The following DNASE1 variants were observed in gnomAD, a reference collection of about 807,000 sequenced individuals.
The protein encoded by DNASE1 is deoxyribonuclease-1.
In DNASE1, 40 loss-of-function variants were observed where a neutral mutation model predicts 33.9. The ratio of observed to expected loss-of-function variants is 1.18; its 90% CI spans 0.92 to 1.54. DNASE1 has a LOEUF of 1.54. Ranked by LOEUF, DNASE1 falls within the 40% of genes most tolerant of loss-of-function variation. The pLI is 0.00. For synonymous variants in DNASE1, 216 were observed against 160.0 expected (o/e 1.35, Z -2.64); for missense variants, 518 against 372.6 (o/e 1.39, Z -3.21).
chr16:3,656,025 GGCACA>G, intron 3 of DNASE1, 72 bp from the exon 4 acceptor site: 1 of 1,611,700 alleles, frequency 6.2e-7, no homozygotes, highest in Non-Finnish European at 8.5e-7. Flanking sequence ...TGGGGACCTG[GGCACA>G]GCCTCGCTAT....
At chr16:3,625,195 A>G (rs1288979773) in intron 1 of DNASE1, among the ~76,000 whole-genome samples, 2 of 152,126 alleles carry the variant, frequency 1.3e-5, no homozygotes. Flanking sequence ...AATCCCAGCT[A>G]CTTGGGAGGC....
intron 1 of DNASE1, among the ~76,000 whole-genome samples, chr16:3,637,550 C>CTTAG (rs1422813299): frequency 6.6e-6 from 1 of 152,100 alleles, no homozygotes; most frequent in Non-Finnish European, 1.5e-5. Context: ...CTGTGGAAGG[C>CTTAG]TTAGGGGTGC....
At chr16:3,647,095 G>A (rs752265896) in intron 1 of DNASE1, among the ~76,000 whole-genome samples, 17 of 152,122 alleles carry the variant, frequency 1.1e-4, no homozygotes, top group East Asian at 1.9e-4. Flanking sequence ...CTAAGCAGGC[G>A]TGACCAGACG....
exon 10 of DNASE1, chr16:3,663,935 C>T: frequency 2.9e-6 from 1 of 350,020 alleles, no homozygotes; most frequent in Non-Finnish European, 5.3e-6. Context: ...TGGTGGTGTG[C>T]ACCTGTAGTC....
upstream of DNASE1, among the ~76,000 whole-genome samples, chr16:3,638,120 T>A (rs2041926450): frequency 1.3e-5 from 2 of 151,394 alleles, no homozygotes; most frequent in South Asian, 4.2e-4. Context: ...TGTGTGTGTG[T>A]GTGTGTGTGT....
intron 1 of DNASE1, among the ~76,000 whole-genome samples, chr16:3,634,788 T>A (rs910158927): frequency 1.3e-5 from 2 of 152,030 alleles, no homozygotes; most frequent in African/African-American, 4.8e-5. Context: ...GTGTTGGGAT[T>A]AACAGGTGTG....
chr16:3,664,301 A>G (rs2050772299), exon 10 of DNASE1: 1 of 1,605,854 alleles, frequency 6.2e-7, no homozygotes, highest in Non-Finnish European at 8.5e-7. Context: ...TCATGGCCTC[A>G]TAGTAGGGTG....
At chr16:3,659,443 C>A (rs190841080), downstream of DNASE1, 2 of 152,278 alleles carry the variant, frequency 1.3e-5, no homozygotes, top group East Asian at 3.9e-4. Flanking sequence ...AGAAATGTTT[C>A]ATCATCTCAG....
At position 3,655,854 on chromosome 16, in the gene DNASE1, GA is replaced by G; in HGVS notation, c.154del (p.Ser52AlafsTer16). 6.2e-7 allele frequency: 1 copy of G among 1,613,392 alleles called. No homozygotes were observed. The highest frequency in any genetic ancestry group is 8.5e-7 in the Non-Finnish European group (1 of 1,179,716). Reference protein sequence around the residue: ...TLVSYIVQILSRYDIALVQEV... With the variant: ...TLVSYIVQILXRYDIALVQEV... Reference sequence around the variant, plus strand: ...CACTGTGGCCCTGCCCCCAGATCCTGAGCCGCTATGACATCGCCCTGGTCCA... The same window carrying G: ...CACTGTGGCCCTGCCCCCAGATCCTGGCCGCTATGACATCGCCCTGGTCCA... On this transcript the variant is annotated frameshift_variant, in exon 3 of 9. Coordinates refer to ENST00000246949, the MANE Select transcript of DNASE1 (RefSeq NM_005223.4). LOFTEE classifies it high-confidence loss of function.
intron 8 of DNASE1, 40 bp downstream of exon 8, chr16:3,657,856 A>C (rs563697513): frequency 6.2e-7 from 1 of 1,614,024 alleles, no homozygotes; most frequent in South Asian, 1.1e-5. Context: ...AGGATGGGAC[A>C]CAGGAGCTCA....
chr16:3,614,896 A>G (rs949516223), intron 1 of DNASE1, among the ~76,000 whole-genome samples: 2 of 152,176 alleles, frequency 1.3e-5, no homozygotes, highest in African/African-American at 4.8e-5. Context: ...CCTGTTTCCT[A>G]TTTAGGATTT....
At chr16:3,622,574 A>G (rs534361443) in intron 1 of DNASE1, among the ~76,000 whole-genome samples, 10 of 152,168 alleles carry the variant, frequency 6.6e-5, no homozygotes, top group Non-Finnish European at 1.2e-4. Flanking sequence ...TAGTGTTACA[A>G]TGTTACAGAT....
chr16:3,621,377 G>T (rs1260332534), intron 1 of DNASE1, among the ~76,000 whole-genome samples: 2 of 152,146 alleles, frequency 1.3e-5, no homozygotes, highest in African/African-American at 4.8e-5. Context: ...CATTGCTCTT[G>T]CCTGGTTTAC....
rs1456255666 is a variant in DNASE1, at chr16:3,656,746, G to A, written c.429G>A (p.Arg143=). 8.7e-6 allele frequency: 14 copies of A among 1,606,888 alleles called. No homozygotes were observed. Among genetic ancestry groups the A allele is most frequent in the Non-Finnish European group, 1.2e-5 (14 of 1,176,780 alleles). Residue 143 remains arginine (R), a synonymous_variant, in exon 5 of 9, where the codon CGG becomes CGA. Transcript: ENST00000246949. ...CAGCCATTGTCAGGTTCTTCTCCCG[G>A]TTCACAGGTGGGTGCTGCCTGGGCC... ...REPAIVRFFS[R]FTEVREFAIV... is the part of the protein sequence containing the mutation.
upstream of DNASE1, chr16:3,651,782 G>A (rs988555207): frequency 6.6e-6 from 1 of 152,456 alleles, no homozygotes; most frequent in Non-Finnish European, 1.5e-5. Flanking sequence ...AGAAATGCAT[G>A]TGTATACACT....
At chr16:3,652,694 C>G (rs1318662382), upstream of DNASE1, 1 of 152,312 alleles carries the variant, frequency 6.6e-6, no homozygotes, top group South Asian at 2.1e-4. Flanking sequence ...AATGGGGTGC[C>G]AGTCTTGTGG....
intron 7 of DNASE1, 50 bp downstream of exon 7, chr16:3,657,391 G>T: frequency 6.2e-7 from 1 of 1,603,090 alleles, no homozygotes; most frequent in South Asian, 1.1e-5. Context: ...TCCAAGGGCA[G>T]CCGTGACTCA....
chr16:3,626,249 G>A (rs918964124), intron 1 of DNASE1, among the ~76,000 whole-genome samples: 7 of 150,832 alleles, frequency 4.6e-5, no homozygotes, highest in African/African-American at 1.7e-4. Flanking sequence ...TGGCCAACAG[G>A]TATATGAAGA....
chr16:3,662,150 G>A (rs1567220364), downstream of DNASE1: 2 of 1,605,458 alleles, frequency 1.2e-6, no homozygotes, highest in East Asian at 2.2e-5. Flanking sequence ...CAAAGCCCGG[G>A]GTTGAGGGTG....
Sources: allele counts gnomAD v4.1 joint callset (sites outside exome capture counted in the v4.1 genomes callset), GRCh38; gene constraint gnomAD v4.1.1; transcripts MANE v1.5; gene names NCBI Gene and HGNC (gene_info 2026-07-23, HGNC 2026-07-21).